HAPLN1: variants seen among roughly 807,000 people sequenced by gnomAD.
HAPLN1 encodes the protein Cartilage link protein.
In HAPLN1, 13 loss-of-function variants were observed where a neutral mutation model predicts 36.5. The observed-to-expected ratio is 0.36, with a 90% confidence interval of 0.23 to 0.57. The LOEUF (loss-of-function observed/expected upper bound fraction) is 0.57, where lower values mean the gene tolerates loss of function less well. HAPLN1 is among the 20% of genes least tolerant of loss of function. The pLI is 0.83. For missense variants in HAPLN1, 407 were observed against 439.7 expected (o/e 0.93, Z 0.66); for synonymous variants, 202 against 169.8 (o/e 1.19, Z -1.48).
chr5:83,704,653 G>A (rs551102386), intron 1 of HAPLN1, among the ~76,000 whole-genome samples: 5 of 152,200 alleles, frequency 3.3e-5, no homozygotes, highest in Non-Finnish European at 5.9e-5. Context: ...AGAAACTAAC[G>A]AAGAAGGGCA....
intron 1 of HAPLN1, among the ~76,000 whole-genome samples, chr5:83,718,024 T>G (rs567738046): frequency 6.6e-6 from 1 of 152,344 alleles, no homozygotes; most frequent in African/African-American, 2.4e-5. Flanking sequence ...TATTTCTATT[T>G]CAGGAACAGT....
rs1174900087 is a variant in HAPLN1 at position 83,638,404 on chromosome 5, C to T, written c.*3092G>A. ...ATCTCTTTCGTTGTACATCCATTGC[C>T]GCTCTGGCAGTAGTGAGCTACGATA... On this transcript the variant is annotated 3_prime_UTR_variant, in exon 5 of 5. Transcript: ENST00000274341. 3.9e-5 allele frequency: 6 copies of T among 152,066 alleles called. No homozygotes were observed. The highest frequency in any genetic ancestry group is 1.4e-4 in the African/African-American group (6 of 41,506). The allele number at this position is 152,066 out of a possible 1,614,324, so 9.4% of individuals were successfully genotyped here.
chr5:83,677,650 G>A (rs1750889826), intron 1 of HAPLN1, among the ~76,000 whole-genome samples: 1 of 152,082 alleles, frequency 6.6e-6, no homozygotes, highest in Admixed American at 6.6e-5. Flanking sequence ...TCTATTCCAG[G>A]TCTCACAACC....
At chr5:83,708,227 A>G (rs996983325) in intron 1 of HAPLN1, among the ~76,000 whole-genome samples, 3 of 152,230 alleles carry the variant, frequency 2.0e-5, no homozygotes, top group African/African-American at 7.2e-5. Flanking sequence ...ACTCAGAGGA[A>G]TATAAATCAT....
chr5:83,647,942 C>T (rs998779943), intron 3 of HAPLN1, among the ~76,000 whole-genome samples: 1 of 152,112 alleles, frequency 6.6e-6, no homozygotes, highest in Non-Finnish European at 1.5e-5. Context: ...AGTTCTCAGA[C>T]TATAATTTTG....
rs1203998965 is a variant in HAPLN1 at position 83,652,712 on chromosome 5, G to A, written c.213C>T (p.Gly71=). The stretch of plus-strand genomic sequence containing the variant: ...TAATTCGGATTTTATGGATTCCTGA[G>A]CCAAATGCTGTAGGGTCTCGATAAA... ...CKFYRDPTAF[G]SGIHKIRIKW... is the part of the protein sequence containing the mutation. The change falls in exon 3 of 5, where the codon GGC becomes GGT. Residue 71 remains glycine, a synonymous_variant. Transcript: ENST00000274341. 1.9e-6 allele frequency: 3 copies of A among 1,614,072 alleles called. No homozygotes were observed. The highest frequency in any genetic ancestry group is 2.2e-5 in the East Asian group (1 of 44,872).
At chr5:83,695,837 A>C (rs1046028464) in intron 1 of HAPLN1, among the ~76,000 whole-genome samples, 5 of 151,890 alleles carry the variant, frequency 3.3e-5, no homozygotes, top group African/African-American at 1.2e-4. Context: ...TAAAAGACTA[A>C]ATTATTTATT....
chr5:83,672,582 A>C (rs191310455), intron 2 of HAPLN1, among the ~76,000 whole-genome samples: 293 of 152,322 alleles, frequency 1.9e-3, no homozygotes, highest in African/African-American at 6.6e-3. Flanking sequence ...TACTTTTCAC[A>C]GTGAATGCAG....
At chr5:83,658,744 G>A (rs754658278) in intron 2 of HAPLN1, among the ~76,000 whole-genome samples, 6 of 152,010 alleles carry the variant, frequency 3.9e-5, no homozygotes, top group Non-Finnish European at 5.9e-5. Context: ...TAATCAGATC[G>A]CATCAGAAAC....
At chr5:83,644,007 G>C (rs142829889) in intron 4 of HAPLN1, among the ~76,000 whole-genome samples, 76 of 152,320 alleles carry the variant, frequency 5.0e-4, no homozygotes, top group African/African-American at 1.8e-3. Flanking sequence ...GGGTAATAAT[G>C]AAGGCACGCT....
rs918646960 is a variant in HAPLN1 at position 83,708,864 on chromosome 5, G to GTCTTT, written c.-27+11920_-27+11924dup. Among the ~76,000 whole-genome samples, 27 of 152,124 alleles carry GTCTTT rather than the reference G, an allele frequency of 1.8e-4. 2 individuals are homozygous for GTCTTT. Among genetic ancestry groups the GTCTTT allele is most frequent in the Admixed American group, 1.3e-3 (20 of 15,268 alleles). ...TCTAAAAATTATCAGTTTATCTTTT[G>GTCTTT]TCTTTTCTTTTCTTTTCTTTTTTTC... On this transcript the variant is annotated intron_variant, in intron 1 of 4. Transcript: ENST00000274341.
chr5:83,715,635 T>A (rs1241944364), intron 1 of HAPLN1, among the ~76,000 whole-genome samples: 4 of 152,184 alleles, frequency 2.6e-5, no homozygotes, highest in Non-Finnish European at 5.9e-5. Context: ...AACAATTCTG[T>A]GCAAATGCAT....
chr5:83,689,816 G>A (rs1001819072), intron 1 of HAPLN1, among the ~76,000 whole-genome samples: 2 of 152,034 alleles, frequency 1.3e-5, no homozygotes, highest in African/African-American at 4.8e-5. Context: ...ACACACACAT[G>A]CCCCAAATTA....
intron 1 of HAPLN1, among the ~76,000 whole-genome samples, chr5:83,675,555 C>T (rs998135529): frequency 6.6e-6 from 1 of 152,064 alleles, no homozygotes; most frequent in East Asian, 1.9e-4. Flanking sequence ...GAATTTCATT[C>T]GTCTTAAAAA....
chr5:83,652,900 C>CTG, intron 2 of HAPLN1, 76 bp from the exon 3 acceptor site: 1 of 1,302,472 alleles, frequency 7.7e-7, no homozygotes, highest in East Asian at 2.5e-5. Flanking sequence ...TGAAATATAT[C>CTG]ACATATATAG....
chr5:83,672,070 CTGAG>C (rs1750741460), intron 2 of HAPLN1, among the ~76,000 whole-genome samples: 1 of 152,164 alleles, frequency 6.6e-6, no homozygotes, highest in Non-Finnish European at 1.5e-5. Context: ...TTCTCATACT[CTGAG>C]TGCAATTTTC....
chr5:83,681,190 G>A (rs1036776959), intron 1 of HAPLN1, among the ~76,000 whole-genome samples: 2 of 152,056 alleles, frequency 1.3e-5, no homozygotes, highest in Non-Finnish European at 2.9e-5. Context: ...ATCAGTAATA[G>A]TAAATGAATT....
rs116766602 is a variant in HAPLN1, at chr5:83,704,947, A to G, written c.-27+15842T>C. Among the ~76,000 whole-genome samples, 586 of 152,340 alleles carry G rather than the reference A, an allele frequency of 3.8e-3. 3 individuals are homozygous for G. Among genetic ancestry groups the G allele is most frequent in the African/African-American group, 0.014 (569 of 41,578 alleles). On this transcript the variant is annotated intron_variant, in intron 1 of 4. Transcript: ENST00000274341. ...GAACTGTCCATCCGAAAACAACAGA[A>G]TATACATTTTTTTCTCATCAACAGA...
intron 2 of HAPLN1, among the ~76,000 whole-genome samples, chr5:83,672,750 C>T (rs967154492): frequency 6.6e-6 from 1 of 152,184 alleles, no homozygotes; most frequent in African/African-American, 2.4e-5. Flanking sequence ...AATTATTCAG[C>T]ATCCAAGGGC....
Sources: allele counts gnomAD v4.1 joint callset (sites outside exome capture counted in the v4.1 genomes callset), GRCh38; gene constraint gnomAD v4.1.1; transcripts MANE v1.5; gene names NCBI Gene and HGNC (gene_info 2026-07-23, HGNC 2026-07-21).